The following NPL variants were observed in gnomAD, a reference collection of about 807,000 sequenced individuals.
The protein encoded by NPL is N-acetylneuraminate lyase.
In NPL, 32 loss-of-function variants were observed where a neutral mutation model predicts 41.1. The ratio of observed to expected loss-of-function variants is 0.78; its 90% CI spans 0.59 to 1.05. The LOEUF (loss-of-function observed/expected upper bound fraction) is 1.05, where lower values mean the gene tolerates loss of function less well. NPL is among the 50% of genes least tolerant of loss of function. The pLI is 0.00. For missense variants in NPL, 321 were observed against 378.4 expected (o/e 0.85, Z 1.26); for synonymous variants, 128 against 134.9 (o/e 0.95, Z 0.35).
At chr1:182,811,878 G>A (rs1667185559) in intron 5 of NPL, among the ~76,000 whole-genome samples, 1 of 152,060 alleles carries the variant, frequency 6.6e-6, no homozygotes, top group African/African-American at 2.4e-5. Context: ...ACCTCCTTTG[G>A]GGGCTGAATA....
intron 5 of NPL, among the ~76,000 whole-genome samples, chr1:182,807,193 G>A (rs1160916542): frequency 6.6e-6 from 1 of 152,128 alleles, no homozygotes; most frequent in Non-Finnish European, 1.5e-5. Flanking sequence ...ACTGTGCTAG[G>A]CACCAGCAGT....
Position 182,829,920 on chromosome 1 carries a change from G to A in NPL, c.*1012G>A. On this transcript the variant is annotated 3_prime_UTR_variant, in exon 13 of 13. Transcript: ENST00000367553. ...TTTAATCTCCCTTCTAACAAACCTTGATATAAGCTTTCTGATATCAAAGTA... is the reference window on the plus strand; with the variant it reads ...TTTAATCTCCCTTCTAACAAACCTTAATATAAGCTTTCTGATATCAAAGTA... 1 of 353,850 alleles carries A rather than the reference G, an allele frequency of 2.8e-6. No homozygotes were observed. Among genetic ancestry groups the A allele is most frequent in the South Asian group, 7.7e-5 (1 of 13,022 alleles). The allele number at this position is 353,850 out of a possible 1,614,324, so 21.9% of individuals were successfully genotyped here.
chr1:182,808,368 A>G (rs538555229), intron 5 of NPL, among the ~76,000 whole-genome samples: 1 of 152,354 alleles, frequency 6.6e-6, no homozygotes, highest in African/African-American at 2.4e-5. Flanking sequence ...GACACATCAT[A>G]GGAAGTCACT....
At position 182,828,256 on chromosome 1, in the gene NPL, C is replaced by T. The variant is rs1445341979; in HGVS notation, c.779-468C>T. On this transcript the variant is annotated intron_variant, in intron 12 of 12. Transcript: ENST00000367553. The surrounding 1 kb of genome is among the most constrained non-coding windows in gnomAD (Gnocchi z 4.0). ...TATAACACCAGCATGAAAACAGCAGCGTTGAGTCATAAGCCACCTTAAGTA... is the reference window on the plus strand; with the variant it reads ...TATAACACCAGCATGAAAACAGCAGTGTTGAGTCATAAGCCACCTTAAGTA... 3.3e-5 allele frequency among the ~76,000 whole-genome samples: 5 copies of T among 152,184 alleles called. No homozygotes were observed. The South Asian group carries it at 6.2e-4, about 19-fold the overall frequency.
intron 3 of NPL, among the ~76,000 whole-genome samples, chr1:182,798,118 C>T (rs1039309015): frequency 2.6e-5 from 4 of 152,030 alleles, no homozygotes; most frequent in Non-Finnish European, 5.9e-5. Flanking sequence ...GTTGAAGAAA[C>T]GGAGATCCTA....
intron 11 of NPL, 105 bp from the exon 12 acceptor site, chr1:182,825,676 G>C: frequency 1.3e-6 from 1 of 799,528 alleles, no homozygotes; most frequent in Non-Finnish European, 2.2e-6. Flanking sequence ...TTCAGTAAAT[G>C]AAGGTGTGCA....
chr1:182,820,404 G>C (rs1667456820), intron 10 of NPL, among the ~76,000 whole-genome samples: 1 of 152,182 alleles, frequency 6.6e-6, no homozygotes, highest in African/African-American at 2.4e-5. Context: ...TAAATGGCTT[G>C]TTCACCAAGC....
rs1169317246 is a variant in NPL at position 182,815,007 on chromosome 1, G to A, written c.364+149G>A. On this transcript the variant is annotated intron_variant, in intron 7 of 12. Transcript: ENST00000367553. ...GGTACAGTGGTTCTCTGAAATATTT[G>A]CTCTCCCTGGATCCATAAAAGAGAC... The A allele has an allele frequency of 2.2e-5, 15 of 674,584 alleles. No individual in the cohort carries two copies. In the Admixed American group the frequency reaches 3.1e-4, roughly 14 times the overall value. The allele number at this position is 674,584 out of a possible 1,614,324, so 41.8% of individuals were successfully genotyped here. A position where few individuals can be genotyped will look rare whatever the true frequency, so the allele number is the denominator to read the frequency against.
At chr1:182,813,156 A>T (rs1458004253) in intron 6 of NPL, among the ~76,000 whole-genome samples, 2 of 151,538 alleles carry the variant, frequency 1.3e-5, no homozygotes, top group African/African-American at 4.8e-5. Context: ...CCATCTCAAA[A>T]AAAAAAAAAA....
chr1:182,818,733 A>G (rs1667407008), intron 9 of NPL, 44 bp downstream of exon 9: 1 of 1,614,102 alleles, frequency 6.2e-7, no homozygotes, highest in Non-Finnish European at 8.5e-7. Flanking sequence ...GTTCCCTCCA[A>G]AACAATTTGT....
intron 12 of NPL, among the ~76,000 whole-genome samples, chr1:182,827,971 G>C (rs1025660084): frequency 1.3e-5 from 2 of 152,074 alleles, no homozygotes; most frequent in Non-Finnish European, 2.9e-5. Flanking sequence ...TTTTAGTATA[G>C]TACCTATACT....
intron 11 of NPL, among the ~76,000 whole-genome samples, chr1:182,822,762 C>T (rs16859710): frequency 0.045 from 6,864 of 152,252 alleles, 458 homozygotes; most frequent in African/African-American, 0.15. Flanking sequence ...ATATGTTGCA[C>T]GGAAGACCCC....
At chr1:182,797,486 A>C (rs932412523) in intron 3 of NPL, among the ~76,000 whole-genome samples, 1 of 152,218 alleles carries the variant, frequency 6.6e-6, no homozygotes, top group African/African-American at 2.4e-5. Context: ...CTGGGATGGC[A>C]TAGGAAGTCC....
chr1:182,828,934 C>T lies in NPL; in HGVS notation c.*26C>T, dbSNP rs1451496694. 11 of 1,613,638 alleles carry T rather than the reference C, an allele frequency of 6.8e-6. No individual in the cohort carries two copies. The highest frequency in any genetic ancestry group is 9.3e-6 in the Non-Finnish European group (11 of 1,179,976). On this transcript the variant is annotated 3_prime_UTR_variant, in exon 13 of 13. Transcript: ENST00000367553. The surrounding 1 kb of genome is among the most constrained non-coding windows in gnomAD (Gnocchi z 4.0). ...TGCCTCTCTATCAAATCAGGGTTTG[C>T]ACCTTGAGACATAATCTACCTTAAA...
At chr1:182,818,937 G>T in intron 10 of NPL, 78 bp downstream of exon 10, 1 of 1,183,128 alleles carries the variant, frequency 8.5e-7, no homozygotes. Context: ...TGTATTTCTT[G>T]CATGTGTATC....
chr1:182,811,695 C>G (rs774364876), intron 5 of NPL, among the ~76,000 whole-genome samples: 18 of 152,154 alleles, frequency 1.2e-4, no homozygotes, highest in Non-Finnish European at 2.2e-4. Flanking sequence ...AATCCCATTT[C>G]TGTACACATT....
At chr1:182,793,904 A>G (rs774057893) in intron 2 of NPL, among the ~76,000 whole-genome samples, 4 of 150,866 alleles carry the variant, frequency 2.7e-5, no homozygotes, top group Non-Finnish European at 4.4e-5. Context: ...TGCAGGATGC[A>G]GAATTCTCAT....
intron 3 of NPL, among the ~76,000 whole-genome samples, chr1:182,795,239 A>G (rs1398148263): frequency 6.6e-6 from 1 of 152,240 alleles, no homozygotes; most frequent in Non-Finnish European, 1.5e-5. Context: ...CCAAAAAGTT[A>G]GAATGCTGGC....
intron 8 of NPL, among the ~76,000 whole-genome samples, chr1:182,817,716 A>C (rs1443568472): frequency 6.6e-6 from 1 of 152,162 alleles, no homozygotes; most frequent in African/African-American, 2.4e-5. Context: ...GAACTCAAAC[A>C]CTTTACTTAC....
Sources: allele counts gnomAD v4.1 joint callset (sites outside exome capture counted in the v4.1 genomes callset), GRCh38; gene constraint gnomAD v4.1.1; non-coding constraint Gnocchi (gnomAD v3.1); transcripts MANE v1.5; gene names NCBI Gene and HGNC (gene_info 2026-07-23, HGNC 2026-07-21).